Variants in PROM1 observed in about 807,000 individuals in gnomAD.
PROM1 encodes the protein prominin 1.
Under a neutral mutation model 116.9 loss-of-function variants are expected in PROM1, and 105 were observed. That is an observed-to-expected ratio of 0.90 (90% confidence interval 0.77 to 1.06). The LOEUF is 1.06. Ranked by LOEUF, PROM1 falls within the 50% of genes least tolerant of loss-of-function variation. PROM1 has a pLI of 0.00. For synonymous variants in PROM1, 393 were observed against 387.0 expected (o/e 1.02, Z -0.18); for missense variants, 1,122 against 1,045.2 (o/e 1.07, Z -1.01).
rs981625892 is a variant in PROM1, at chr4:16,018,788, C to A, written c.785-248G>T. Among the ~76,000 whole-genome samples, 42 of 152,132 alleles carry A rather than the reference C, an allele frequency of 2.8e-4. 1 individual carries two copies. Among genetic ancestry groups the A allele is most frequent in the Non-Finnish European group, 5.9e-4 (40 of 68,030 alleles). On this transcript the variant is annotated intron_variant, in intron 8 of 27. Coordinates refer to ENST00000447510, the MANE Select transcript of PROM1 (RefSeq NM_006017.3). ...AAGAAGCAGGGGGCAAGCACCAACC[C>A]AGGAGCATGATGGGGACACCTCAAT...
chr4:16,018,225 G>A, intron 9 of PROM1, 98 bp downstream of exon 9: 3 of 1,151,888 alleles, frequency 2.6e-6, no homozygotes, highest in Non-Finnish European at 3.8e-6. Context: ...TGTTCTCCAA[G>A]TCAGGCCACC....
intron 19 of PROM1, among the ~76,000 whole-genome samples, chr4:15,988,495 A>G (rs1054654735): frequency 1.3e-5 from 2 of 152,200 alleles, no homozygotes; most frequent in African/African-American, 4.8e-5. Flanking sequence ...TTTGCAAATG[A>G]GTGGGTGTGG....
chr4:16,057,708 C>G (rs1200713637), intron 2 of PROM1, among the ~76,000 whole-genome samples: 1 of 152,284 alleles, frequency 6.6e-6, no homozygotes, highest in East Asian at 1.9e-4. Context: ...TAATCCCACT[C>G]AAGAAAGATT....
chr4:15,990,181 T>A (rs2149106869), intron 18 of PROM1, among the ~76,000 whole-genome samples: 1 of 152,334 alleles, frequency 6.6e-6, no homozygotes, highest in Middle Eastern at 3.4e-3. Flanking sequence ...ATGTTTAATT[T>A]ATTAATGAAT....
intron 17 of PROM1, among the ~76,000 whole-genome samples, chr4:15,991,551 C>G (rs1720987620): frequency 6.6e-6 from 1 of 151,106 alleles, no homozygotes; most frequent in African/African-American, 2.4e-5. Context: ...CAAAAACATG[C>G]TCAGTGAAAG....
chr4:16,045,422 A>G (rs1578194628), intron 2 of PROM1, among the ~76,000 whole-genome samples: 1 of 151,932 alleles, frequency 6.6e-6, no homozygotes, highest in Non-Finnish European at 1.5e-5. Context: ...AGACCACACC[A>G]CCCAACTCAC....
intron 4 of PROM1, among the ~76,000 whole-genome samples, chr4:16,035,347 A>T (rs1733713509): frequency 6.6e-6 from 1 of 152,252 alleles, no homozygotes. Flanking sequence ...GAGAGAAGAT[A>T]TATTGAAATG....
intron 13 of PROM1, among the ~76,000 whole-genome samples, chr4:16,001,266 G>C (rs921632937): frequency 3.9e-5 from 6 of 152,162 alleles, no homozygotes; most frequent in African/African-American, 9.7e-5. Flanking sequence ...AGGGAGCGCT[G>C]ATGCTCTGGA....
At chr4:16,061,356 A>G (rs2149512098) in intron 2 of PROM1, among the ~76,000 whole-genome samples, 1 of 152,330 alleles carries the variant, frequency 6.6e-6, no homozygotes, top group South Asian at 2.1e-4. Flanking sequence ...CTAGCTGTAG[A>G]ACAGTAGGAA....
chr4:16,006,012 C>T (rs1338181941), intron 13 of PROM1, among the ~76,000 whole-genome samples: 3 of 152,230 alleles, frequency 2.0e-5, no homozygotes, highest in Admixed American at 6.5e-5. Flanking sequence ...CCTCTCCCTG[C>T]TGCCTCACAC....
rs1444729850 is a variant in PROM1, at chr4:16,024,351, T to C, written c.638A>G (p.Lys213Arg). The C allele has an allele frequency of 2.5e-6, 4 of 1,611,340 alleles. No homozygotes were observed. In the East Asian group the frequency reaches 6.7e-5, roughly 27 times the overall value. The change falls in exon 7 of 28, where the codon AAA becomes AGA. Residue 213 changes from lysine (K) to arginine (R), a missense_variant. By Grantham distance (26) the Lys-to-Arg change is conservative. Transcript: ENST00000447510. ...AGTGTTGTACTGGGCCAATATATAT[T>C]TGATTTGCTGAAAAAAGAACATTCT... ...TLLNETPEQIKYILAQYNTTK... is the reference protein window; with the variant it reads ...TLLNETPEQIRYILAQYNTTK...
intron 8 of PROM1, 22 bp downstream of exon 8, chr4:16,023,304 G>A: frequency 6.5e-7 from 1 of 1,550,262 alleles, no homozygotes; most frequent in Non-Finnish European, 8.8e-7. Context: ...ACTTTCTTTG[G>A]TCATTTTTGC....
chr4:16,032,025 C>T (rs1382856185), intron 5 of PROM1, among the ~76,000 whole-genome samples: 1 of 152,158 alleles, frequency 6.6e-6, no homozygotes, highest in Non-Finnish European at 1.5e-5. Flanking sequence ...GAGTTTCCTT[C>T]CTTCCCCTCC....
At chr4:16,050,135 C>G (rs1335393191) in intron 2 of PROM1, among the ~76,000 whole-genome samples, 2 of 151,874 alleles carry the variant, frequency 1.3e-5, no homozygotes, top group African/African-American at 4.8e-5. Context: ...GTGGTGGGCA[C>G]CTATAATCCC....
At chr4:16,027,347 T>C (rs1216217929) in intron 5 of PROM1, among the ~76,000 whole-genome samples, 1 of 147,816 alleles carries the variant, frequency 6.8e-6, no homozygotes, top group Non-Finnish European at 1.5e-5. Context: ...GCAATGCACC[T>C]GGAGCTTGCT....
At chr4:16,041,852 C>G (rs1735375514) in intron 2 of PROM1, among the ~76,000 whole-genome samples, 1 of 147,646 alleles carries the variant, frequency 6.8e-6, no homozygotes, top group Non-Finnish European at 1.5e-5. Context: ...TTAGATATAC[C>G]CAATCTCAGC....
chr4:15,985,909 T>C, intron 21 of PROM1, 48 bp downstream of exon 21: 1 of 1,423,008 alleles, frequency 7.0e-7, no homozygotes. Context: ...ATCTGTAACA[T>C]TCAAGTGCCC....
At chr4:16,064,337 A>G (rs1351600171) in intron 2 of PROM1, among the ~76,000 whole-genome samples, 3 of 152,238 alleles carry the variant, frequency 2.0e-5, no homozygotes, top group Non-Finnish European at 4.4e-5. Flanking sequence ...AAATTTCACA[A>G]AATGTTGAGC....
In PROM1 at chr4:16,023,373, C is replaced by A; in HGVS notation, c.737G>T (p.Arg246Ile). 1 of 1,607,762 alleles carries A rather than the reference C, an allele frequency of 6.2e-7. No individual in the cohort carries two copies. The highest frequency in any genetic ancestry group is 1.1e-5 in the South Asian group (1 of 89,582). Residue 246 changes from arginine (R) to isoleucine (I), a missense_variant, in exon 8 of 28, where the codon AGA becomes ATA. Coordinates refer to ENST00000447510, the MANE Select transcript of PROM1 (RefSeq NM_006017.3). Reference protein sequence around the residue: ...VLGGGILDRLRPNIIPVLDEI... With the variant: ...VLGGGILDRLIPNIIPVLDEI... ...ATCAAGAACAGGGATGATGTTGGGTCTCAGTCGGTCAAGAATTCCGCCTCC... is the reference window on the plus strand; with the variant it reads ...ATCAAGAACAGGGATGATGTTGGGTATCAGTCGGTCAAGAATTCCGCCTCC...
Sources: gnomAD v4.1 joint callset for allele counts (sites outside exome capture counted in the v4.1 genomes callset) on GRCh38, gnomAD v4.1.1 for gene constraint, MANE v1.5 for transcripts, NCBI Gene and HGNC (gene_info 2026-07-23, HGNC 2026-07-21) for gene names.